The following CAMTA1 variants were observed in gnomAD, a reference collection of about 807,000 sequenced individuals.
The protein encoded by CAMTA1 is calmodulin binding transcription activator 1.
CAMTA1 carries 27 observed loss-of-function variants against 170.9 expected under a neutral mutation model. The observed-to-expected ratio is 0.16, with a 90% CI of 0.12 to 0.22. The LOEUF is 0.22. Among genes scored for constraint, CAMTA1 ranks in the 10% least tolerant of loss-of-function variants. The pLI, the probability that CAMTA1 is intolerant of heterozygous loss-of-function variation, is 1.00. For synonymous variants in CAMTA1, 833 were observed against 891.5 expected (o/e 0.93, Z 1.17); for missense variants, 1,619 against 2,217.2 (o/e 0.73, Z 5.42).
In CAMTA1 at chr1:7,218,009, T is replaced by C. The variant is rs188564204; in HGVS notation, c.303-31482T>C. Among the ~76,000 whole-genome samples, 1,166 of 152,316 alleles carry C rather than the reference T, an allele frequency of 7.7e-3. 12 individuals are homozygous for C. Among genetic ancestry groups the C allele is most frequent in the Middle Eastern group, 0.014 (4 of 294 alleles). On this transcript the variant is annotated intron_variant, in intron 4 of 22. Coordinates refer to ENST00000303635, the MANE Select transcript of CAMTA1 (RefSeq NM_015215.4). ...TAGAAGATTCCTTCAGAGGCGCCTG[T>C]GGGTACATCACTCAATTCTCCCATA...
intron 6 of CAMTA1, among the ~76,000 whole-genome samples, chr1:7,571,867 C>T (rs1048898094): frequency 6.6e-6 from 1 of 152,132 alleles, no homozygotes; most frequent in African/African-American, 2.4e-5. Flanking sequence ...AATGAGATTG[C>T]TAGGTCGAAT....
intron 11 of CAMTA1, among the ~76,000 whole-genome samples, chr1:7,704,799 T>TGGGCC (rs1304023597): frequency 1.5e-3 from 215 of 141,606 alleles, no homozygotes; most frequent in South Asian, 1.0e-2. Context: ...GGGGCCGGGC[T>TGGGCC]GGGCCGGGCC....
At chr1:7,109,435 C>T (rs964883923) in intron 4 of CAMTA1, among the ~76,000 whole-genome samples, 1 of 152,212 alleles carries the variant, frequency 6.6e-6, no homozygotes, top group Non-Finnish European at 1.5e-5. Flanking sequence ...CTTTCTGGGG[C>T]TCAGTTTCCT....
In CAMTA1 at chr1:7,738,442, C is replaced by T; in HGVS notation, c.4142C>T (p.Ala1381Val). Residue 1381 changes from alanine (A) to valine (V), a missense_variant, in exon 16 of 23, where the codon GCA becomes GTA. Ala to Val is a moderately conservative substitution (Grantham distance 64). Transcript: ENST00000303635. The surrounding 1 kb of genome is among the most constrained non-coding windows in gnomAD (Gnocchi z 4.9). The stretch of plus-strand genomic sequence containing the variant: ...GAGCTGGGGTCCTACCGTGATAGTG[C>T]AGAAAATGAAGAATGCGGCCAGCCC... ...NTELGSYRDS[A>V]ENEECGQPMD... is the part of the protein sequence containing the mutation. 1 of 1,614,084 alleles carries T rather than the reference C, an allele frequency of 6.2e-7. No homozygotes were observed. The highest frequency in any genetic ancestry group is 8.5e-7 in the Non-Finnish European group (1 of 1,179,968).
intron 6 of CAMTA1, among the ~76,000 whole-genome samples, chr1:7,493,278 TACAC>T (rs2093760614): frequency 6.2e-5 from 2 of 32,310 alleles, no homozygotes; most frequent in Non-Finnish European, 1.1e-4. Flanking sequence ...CACACAAACA[TACAC>T]GCGCACAAAC....
intron 5 of CAMTA1, among the ~76,000 whole-genome samples, chr1:7,458,467 T>C (rs568717574): frequency 3.3e-5 from 5 of 152,128 alleles, no homozygotes; most frequent in East Asian, 1.9e-4. Flanking sequence ...GAAAGAGTGA[T>C]TTAACATTGT....
At chr1:7,024,180 G>A (rs1431382369) in intron 3 of CAMTA1, among the ~76,000 whole-genome samples, 1 of 152,194 alleles carries the variant, frequency 6.6e-6, no homozygotes, top group Non-Finnish European at 1.5e-5. Flanking sequence ...GCATCTCAGA[G>A]GAGAAGACAG....
chr1:7,230,450 G>T (rs1378454524), intron 4 of CAMTA1, among the ~76,000 whole-genome samples: 1 of 12,072 alleles, frequency 8.3e-5, no homozygotes, highest in Non-Finnish European at 1.7e-4. Flanking sequence ...CCCCCGCCCC[G>T]CAAAGCTCTG....
intron 3 of CAMTA1, among the ~76,000 whole-genome samples, chr1:7,081,912 G>A (rs985458717): frequency 2.0e-5 from 3 of 152,226 alleles, no homozygotes; most frequent in Non-Finnish European, 4.4e-5. Flanking sequence ...GTCAGTCCTT[G>A]GGCCGCCAAT....
At chr1:6,798,788 G>A (rs190179979) in intron 1 of CAMTA1, among the ~76,000 whole-genome samples, 11,889 of 123,956 alleles carry the variant, frequency 0.096, 93 homozygotes, top group East Asian at 0.14. Context: ...AGTAGAGACG[G>A]GGTTTCACCT....
intron 7 of CAMTA1, among the ~76,000 whole-genome samples, chr1:7,656,441 C>T (rs547351405): frequency 2.2e-4 from 34 of 152,362 alleles, no homozygotes; most frequent in African/African-American, 7.7e-4. Context: ...GGGATAGGGT[C>T]CCACCCATGT....
chr1:7,385,247 TC>T lies in CAMTA1; in HGVS notation c.439-82580del, dbSNP rs372723472. On this transcript the variant is annotated intron_variant, in intron 5 of 22. Transcript: ENST00000303635. ...AGGGACTACAGGCACATGCCACCAC[TC>T]CCGGCTAAGTTTTTGTATTTTTAGT... is the stretch of plus-strand genomic sequence containing the variant. Among the ~76,000 whole-genome samples, 423 of 151,886 alleles carry T rather than the reference TC, an allele frequency of 2.8e-3. 2 individuals carry two copies. Among genetic ancestry groups the T allele is most frequent in the Middle Eastern group, 0.01 (3 of 294 alleles).
intron 3 of CAMTA1, among the ~76,000 whole-genome samples, chr1:7,075,141 C>T (rs1322403214): frequency 2.6e-5 from 4 of 152,158 alleles, no homozygotes; most frequent in Admixed American, 6.5e-5. Flanking sequence ...TCTCTCCTAC[C>T]GCTGATTCTT....
At chr1:7,258,481 C>G (rs773414211) in intron 5 of CAMTA1, among the ~76,000 whole-genome samples, 2 of 152,104 alleles carry the variant, frequency 1.3e-5, no homozygotes, top group Non-Finnish European at 2.9e-5. Context: ...ATACCACTGT[C>G]GAAATTCACC....
intron 5 of CAMTA1, among the ~76,000 whole-genome samples, chr1:7,290,092 T>A (rs1672904831): frequency 6.6e-6 from 1 of 152,228 alleles, no homozygotes; most frequent in South Asian, 2.1e-4. Flanking sequence ...GAGAGACTGA[T>A]ATAGTGGGGA....
chr1:7,663,957 C>G lies in CAMTA1; in HGVS notation c.1410C>G (p.Leu470=). The G allele has an allele frequency of 3.1e-6, 5 of 1,613,844 alleles. No homozygotes were observed. Among genetic ancestry groups the G allele is most frequent in the Non-Finnish European group, 4.2e-6 (5 of 1,180,044 alleles). The change falls in exon 9 of 23, where the codon CTC becomes CTG. Residue 470 remains leucine, a synonymous_variant. Transcript: ENST00000303635. The part of the protein sequence containing the change: ...VSEELVLSTT[L]DGGRKIPETT... The stretch of plus-strand genomic sequence containing the variant: ...AAGAGCTGGTCCTCTCCACCACCCT[C>G]GACGGTGGCCGGAAGATTCCAGAAA...
chr1:6,962,546 C>T (rs1292841317), intron 3 of CAMTA1, among the ~76,000 whole-genome samples: 6 of 151,220 alleles, frequency 4.0e-5, no homozygotes, highest in Non-Finnish European at 8.9e-5. Context: ...CCCATCCACC[C>T]ATCTTGCCCC....
rs1684992460 is a variant in CAMTA1 at position 6,934,628 on chromosome 1, G to A, written c.234+109418G>A. On this transcript the variant is annotated intron_variant, in intron 3 of 22. Transcript: ENST00000303635. This position sits in a 1 kb window ranked among gnomAD's most constrained non-coding sequence, Gnocchi z 4.5. ...TGCCTTCCAGGGGAGACCTGTGGCC[G>A]GCAGGAGCTGCCCGAGATCCCGGGG... Among the ~76,000 whole-genome samples, 1 of 152,150 alleles carries A rather than the reference G, an allele frequency of 6.6e-6. No individual in the cohort carries two copies. The highest frequency in any genetic ancestry group is 2.4e-5 in the African/African-American group (1 of 41,428).
chr1:7,407,900 C>T (rs558944110), intron 5 of CAMTA1, among the ~76,000 whole-genome samples: 1 of 152,240 alleles, frequency 6.6e-6, no homozygotes, highest in African/African-American at 2.4e-5. Context: ...TTACCTTGGC[C>T]TACCCTGCAT....
Sources: gnomAD v4.1 joint callset for allele counts (sites outside exome capture counted in the v4.1 genomes callset) on GRCh38, gnomAD v4.1.1 for gene constraint, Gnocchi (gnomAD v3.1) non-coding constraint, MANE v1.5 for transcripts, NCBI Gene and HGNC (gene_info 2026-07-23, HGNC 2026-07-21) for gene names.